The following AXIN2 variants were observed in gnomAD, a reference collection of about 807,000 sequenced individuals.
The protein encoded by AXIN2 is axin 2.
AXIN2 carries 21 observed loss-of-function variants against 74.7 expected under a neutral mutation model. That is an observed-to-expected ratio of 0.28 (90% CI 0.20 to 0.40). The LOEUF is 0.40. AXIN2 is among the 10% of genes least tolerant of loss of function. The pLI, the probability that AXIN2 is intolerant of heterozygous loss-of-function variation, is 1.00. For synonymous variants in AXIN2, 532 were observed against 454.9 expected, an observed-to-expected ratio of 1.17 and a Z score of -2.16; for missense variants, 1,144 against 1,111.1, an observed-to-expected ratio of 1.03 and a Z score of -0.42.
At chr17:65,556,518 C>T (rs2044268920) in intron 2 of AXIN2, among the ~76,000 whole-genome samples, 1 of 152,180 alleles carries the variant, frequency 6.6e-6, no homozygotes, top group African/African-American at 2.4e-5. Flanking sequence ...AACCTGGTTC[C>T]ACTTAGGTGT....
intron 10 of AXIN2, among the ~76,000 whole-genome samples, chr17:65,531,617 C>G (rs771615055): frequency 6.6e-6 from 1 of 152,130 alleles, no homozygotes; most frequent in Non-Finnish European, 1.5e-5. Flanking sequence ...CATGTCTGAG[C>G]AAACACGCAG....
chr17:65,543,878 G>A (rs1009087140), intron 3 of AXIN2, among the ~76,000 whole-genome samples: 5 of 152,178 alleles, frequency 3.3e-5, no homozygotes, highest in Non-Finnish European at 5.9e-5. Context: ...TGGTTCCCAA[G>A]CCATGCTGAA....
chr17:65,541,596 G>C (rs1393989757), intron 3 of AXIN2, 39 bp from the exon 4 acceptor site: 15 of 1,562,880 alleles, frequency 9.6e-6, no homozygotes, highest in Non-Finnish European at 1.3e-5. Flanking sequence ...AGGCTTACGA[G>C]GATGTTTTCA....
At chr17:65,560,814 T>G (rs2044357362) in intron 1 of AXIN2, 1 of 149,608 alleles carries the variant, frequency 6.7e-6, no homozygotes. Flanking sequence ...CGCCTCGGCC[T>G]CGGCACTCAC....
intron 5 of AXIN2, 133 bp downstream of exon 5, chr17:65,538,070 A>G (rs755554079): frequency 4.0e-6 from 6 of 1,507,608 alleles, no homozygotes; most frequent in East Asian, 2.4e-5. Flanking sequence ...GCACACACCC[A>G]CACGCAGCCC....
rs574456031 is a variant in AXIN2, at chr17:65,545,797, T to C, written c.956+3723A>G. On this transcript the variant is annotated intron_variant, in intron 3 of 10. Coordinates refer to ENST00000307078, the MANE Select transcript of AXIN2 (RefSeq NM_004655.4). ...GGAAAACAGAAGTCAGCAGTAGGCTTTGGGAGAAGGCAATGATTTCTTTAA... is the reference window on the plus strand; with the variant it reads ...GGAAAACAGAAGTCAGCAGTAGGCTCTGGGAGAAGGCAATGATTTCTTTAA... Among the ~76,000 whole-genome samples the C allele has an allele frequency of 3.3e-3, 508 of 152,218 alleles. 3 individuals carry two copies. The highest frequency in any genetic ancestry group is 5.8e-3 in the Non-Finnish European group (396 of 68,010).
rs568461577 is a variant in AXIN2, at chr17:65,529,644, T to C, written c.*332A>G. Reference sequence around the variant, plus strand: ...TCCTGTTCAGGTAAGCTATACACAGTTTCTCTTAGTTTATGGATTTCAGAT... The same window carrying C: ...TCCTGTTCAGGTAAGCTATACACAGCTTCTCTTAGTTTATGGATTTCAGAT... On this transcript the variant is annotated 3_prime_UTR_variant, in exon 11 of 11. Transcript: ENST00000307078. 2.3e-6 allele frequency: 1 copy of C among 440,184 alleles called. No individual in the cohort carries two copies. Among genetic ancestry groups the C allele is most frequent in the African/African-American group, 2.0e-5 (1 of 51,054 alleles). The allele number at this position is 440,184 out of a possible 1,614,324, so 27.3% of individuals were successfully genotyped here. A position where few individuals can be genotyped will look rare whatever the true frequency, so the allele number is the denominator to read the frequency against.
At chr17:65,539,218 T>C (rs2044003089) in intron 4 of AXIN2, among the ~76,000 whole-genome samples, 1 of 151,460 alleles carries the variant, frequency 6.6e-6, no homozygotes, top group Admixed American at 6.6e-5. Context: ...TCTACCTCCT[T>C]CTTCCTAATC....
chr17:65,550,410 T>C (rs1208766101), intron 2 of AXIN2, among the ~76,000 whole-genome samples: 1 of 152,192 alleles, frequency 6.6e-6, no homozygotes, highest in African/African-American at 2.4e-5. Context: ...TCCAGCCCTT[T>C]TGTTTCAATG....
rs878854737 is a variant in AXIN2 at position 65,549,644 on chromosome 17, C to T, written c.832G>A (p.Asp278Asn). ...DSGYRSFKRS[D>N]PVNPYHIGSG... ...CCTATGTGATAAGGATTAACAGGAT[C>T]GCTCCTCTTGAAGGACCTATGGGCA... The change falls in exon 3 of 11, where the codon GAT becomes AAT. Residue 278 changes from aspartate (D) to asparagine (N), a missense_variant. By Grantham distance (23) the Asp-to-Asn change is conservative. This residue lies in a region of AXIN2 where 1,053 missense variants were observed against 973.5 expected (regional missense o/e 1.08). Coordinates refer to ENST00000307078, the MANE Select transcript of AXIN2 (RefSeq NM_004655.4). 5.0e-6 allele frequency: 8 copies of T among 1,601,410 alleles called. No homozygotes were observed. Among genetic ancestry groups the T allele is most frequent in the South Asian group, 2.3e-5 (2 of 88,660 alleles).
Position 65,530,005 on chromosome 17 carries a change from T to C in AXIN2, c.2503A>G (p.Ile835Val), listed in dbSNP as rs2043789852. The C allele has an allele frequency of 6.2e-7, 1 of 1,614,206 alleles. No individual in the cohort carries two copies. Among genetic ancestry groups the C allele is most frequent in the East Asian group, 2.2e-5 (1 of 44,882 alleles). ...TCGATCCGCTCCACTTTGCCCAGAA[T>C]CCGGCCTTCATACATCGGGAGCACC... is the stretch of plus-strand genomic sequence containing the variant. ...ETVLPMYEGRILGKVERID is the reference protein window; with the variant it reads ...ETVLPMYEGRVLGKVERID Residue 835 changes from isoleucine to valine, a missense_variant, in exon 11 of 11, where the codon ATT becomes GTT. By Grantham distance (29) the Ile-to-Val change is conservative. Around this residue, in one of 4 missense-constraint regions of AXIN2, gnomAD observed 65 missense variants for 95.7 expected, o/e 0.68. Coordinates refer to ENST00000307078, the MANE Select transcript of AXIN2 (RefSeq NM_004655.4).
Position 65,529,233 on chromosome 17 carries a change from C to T in AXIN2, c.*743G>A. On this transcript the variant is annotated 3_prime_UTR_variant, in exon 11 of 11. Transcript: ENST00000307078. ...CTGGGGCCCGAAGGAGCAGGGTTCC[C>T]TGCCTCTCCCTCTGCAACAGATCAT... The T allele has an allele frequency of 4.3e-6, 1 of 234,916 alleles. No homozygotes were observed. Among genetic ancestry groups the T allele is most frequent in the Non-Finnish European group, 8.4e-6 (1 of 119,182 alleles). 14.6% of individuals were successfully genotyped at this position (234,916 alleles called of 1,614,324 possible).
At chr17:65,559,919 T>TA (rs925939338) in intron 1 of AXIN2, 1 of 152,152 alleles carries the variant, frequency 6.6e-6, no homozygotes, top group Non-Finnish European at 1.5e-5. Context: ...GGCACCGCGC[T>TA]ACCCGGGCGG....
rs1415181154 is a variant in AXIN2, at chr17:65,558,670, C to T, written c.-50G>A. On this transcript the variant is annotated 5_prime_UTR_variant, in exon 2 of 11. Coordinates refer to ENST00000307078, the MANE Select transcript of AXIN2 (RefSeq NM_004655.4). ...TCTGGGAATTTTTCTTCTTCCAGTT[C>T]CTCTCAGCAATCGGCGTGGTCTCTC... The T allele has an allele frequency of 6.4e-7, 1 of 1,561,836 alleles. No individual in the cohort carries two copies. Among genetic ancestry groups the T allele is most frequent in the South Asian group, 1.1e-5 (1 of 87,862 alleles).
In AXIN2 at chr17:65,538,223, G is replaced by A. The variant is rs753049092; in HGVS notation, c.1180C>T (p.Arg394Cys). 8.1e-6 allele frequency: 13 copies of A among 1,614,094 alleles called. No individual in the cohort carries two copies. In the Admixed American group the frequency reaches 1.8e-4, roughly 23 times the overall value. Reference sequence around the variant, plus strand: ...ATTACCTCTCGGATCTGCTGCAGGCGCTCCTCCAGGCTGTGGCGGCTCTCC... The same window carrying A: ...ATTACCTCTCGGATCTGCTGCAGGCACTCCTCCAGGCTGTGGCGGCTCTCC... ...ELESRHSLEERLQQIREDEER... is the reference protein window; with the variant it reads ...ELESRHSLEECLQQIREDEER... The change falls in exon 5 of 11, where the codon CGC becomes TGC. Residue 394 changes from arginine (R) to cysteine (C), a missense_variant. Around this residue, in one of 4 missense-constraint regions of AXIN2, gnomAD observed 1,053 missense variants for 973.5 expected, o/e 1.08. Transcript: ENST00000307078.
chr17:65,558,459 G>T lies in AXIN2; in HGVS notation c.162C>A (p.Asn54Lys), dbSNP rs1427989179. 6 of 1,603,452 alleles carry T rather than the reference G, an allele frequency of 3.7e-6. No homozygotes were observed. The highest frequency in any genetic ancestry group is 5.1e-6 in the Non-Finnish European group (6 of 1,173,262). The change falls in exon 2 of 11, where the codon AAC (asparagine) becomes AAA (lysine). Residue 54 changes from asparagine to lysine, a missense_variant. Asn to Lys is a moderately conservative substitution (Grantham distance 94). Transcript: ENST00000307078. ...QVTKPMPVSSNTRRNEDGLGE... is the reference protein window; with the variant it reads ...QVTKPMPVSSKTRRNEDGLGE... ...CCAACCCATCTTCGTTCCGCCTGGT[G>T]TTGGAAGAGACAGGCATGGGTTTGG...
intron 6 of AXIN2, 113 bp downstream of exon 6, chr17:65,537,211 G>A (rs1335532285): frequency 1.9e-6 from 3 of 1,560,270 alleles, no homozygotes; most frequent in East Asian, 2.2e-5. Context: ...CGTGCACTCT[G>A]CCGCCCTCTT....
At chr17:65,532,882 G>A (rs2043847709) in intron 10 of AXIN2, among the ~76,000 whole-genome samples, 1 of 152,196 alleles carries the variant, frequency 6.6e-6, no homozygotes, top group Non-Finnish European at 1.5e-5. Context: ...ACCCCAGAGT[G>A]AGCACCTCCT....
chr17:65,536,807 C>G, intron 7 of AXIN2, 62 bp downstream of exon 7: 7 of 1,606,532 alleles, frequency 4.4e-6, no homozygotes, highest in Non-Finnish European at 5.1e-6. Context: ...GCCATTCCCA[C>G]AATACCTCCG....
Sources: gnomAD v4.1 joint callset for allele counts (sites outside exome capture counted in the v4.1 genomes callset) on GRCh38, gnomAD v4.1.1 for gene constraint, gnomAD v4.1.1 regional missense constraint, MANE v1.5 for transcripts, NCBI Gene and HGNC (gene_info 2026-07-23, HGNC 2026-07-21) for gene names.